KAZN: variants seen among roughly 807,000 people sequenced by gnomAD.
KAZN encodes kazrin.
Under a neutral mutation model 87.4 loss-of-function variants are expected in KAZN, and 40 were observed. That is an observed-to-expected ratio of 0.46 (90% CI 0.36 to 0.60). The LOEUF is 0.60. Among genes scored for constraint, KAZN ranks in the 20% least tolerant of loss-of-function variants. The pLI, the probability that KAZN is intolerant of heterozygous loss-of-function variation, is 0.00. For missense variants in KAZN, 898 were observed against 1,073.9 expected (o/e 0.84, Z 2.29); for synonymous variants, 466 against 458.3 (o/e 1.02, Z -0.22).
chr1:14,729,545 C>G (rs760015658), intron 1 of KAZN, among the ~76,000 whole-genome samples: 5 of 152,278 alleles, frequency 3.3e-5, no homozygotes, highest in Non-Finnish European at 7.4e-5. Flanking sequence ...GCAGGGAATT[C>G]CAGAATGGGA....
chr1:14,646,993 C>T (rs1419635418), intron 1 of KAZN, among the ~76,000 whole-genome samples: 4 of 152,162 alleles, frequency 2.6e-5, no homozygotes, highest in African/African-American at 9.7e-5. Flanking sequence ...TCTCCATATC[C>T]TCTCTCCACA....
intron 1 of KAZN, chr1:14,929,769 A>G: frequency 1.0e-6 from 1 of 985,406 alleles, no homozygotes; most frequent in Non-Finnish European, 1.2e-6. Flanking sequence ...AGTGCGTCTT[A>G]TGTTGCGGGT....
At chr1:13,913,546 C>A (rs1419502505) in intron 1 of KAZN, among the ~76,000 whole-genome samples, 1 of 152,148 alleles carries the variant, frequency 6.6e-6, no homozygotes, top group African/African-American at 2.4e-5. Context: ...CAGCTCCATT[C>A]TTCCCAAGGG....
chr1:14,937,364 C>T (rs535601933), intron 1 of KAZN, among the ~76,000 whole-genome samples: 11 of 152,298 alleles, frequency 7.2e-5, no homozygotes, highest in African/African-American at 1.7e-4. Flanking sequence ...TTCTCTTTTA[C>T]GAGTTGTTTG....
At chr1:14,903,148 T>C (rs1444360845) in intron 1 of KAZN, among the ~76,000 whole-genome samples, 1 of 152,052 alleles carries the variant, frequency 6.6e-6, no homozygotes, top group East Asian at 1.9e-4. Flanking sequence ...GGATTACAGG[T>C]GTGAGCCACC....
chr1:14,393,521 A>G (rs1662631185), intron 2 of KAZN, among the ~76,000 whole-genome samples: 1 of 152,156 alleles, frequency 6.6e-6, no homozygotes, highest in Non-Finnish European at 1.5e-5. Context: ...TATCAAGGAA[A>G]TACACGCTTT....
At position 15,099,510 on chromosome 1, in the gene KAZN, C is replaced by T. The variant is rs546761717; in HGVS notation, c.1548-2033C>T. On this transcript the variant is annotated intron_variant, in intron 10 of 14. Coordinates refer to ENST00000376030, the MANE Select transcript of KAZN (RefSeq NM_201628.3). This position sits in a 1 kb window ranked among gnomAD's most constrained non-coding sequence, Gnocchi z 5.4. ...CCCAAGGGATGAGGAGGGGTGAGCCCTGGGCAGGGTTGCAAGGGGCTGGCC... is the reference window on the plus strand; with the variant it reads ...CCCAAGGGATGAGGAGGGGTGAGCCTTGGGCAGGGTTGCAAGGGGCTGGCC... 2.6e-5 allele frequency among the ~76,000 whole-genome samples: 4 copies of T among 151,922 alleles called. No homozygotes were observed. Among genetic ancestry groups the T allele is most frequent in the Non-Finnish European group, 5.9e-5 (4 of 67,996 alleles).
chr1:15,117,458 T>C lies in KAZN; in HGVS notation c.*2823T>C, dbSNP rs903483575. 2.0e-5 allele frequency: 3 copies of C among 152,356 alleles called. No individual in the cohort carries two copies. Among genetic ancestry groups the C allele is most frequent in the Non-Finnish European group, 4.4e-5 (3 of 68,132 alleles). The allele number at this position is 152,356 out of a possible 1,614,324, so 9.4% of individuals were successfully genotyped here. A position where few individuals can be genotyped will look rare whatever the true frequency, so the allele number is the denominator to read the frequency against. ...TTTCTTTTGGAAATCTGTCTGTCTG[T>C]TGGCATCGCTGTTTTCAGACCCCAG... On this transcript the variant is annotated 3_prime_UTR_variant, in exon 15 of 15. Transcript: ENST00000376030.
At chr1:14,740,543 C>CA (rs1644062076) in intron 1 of KAZN, among the ~76,000 whole-genome samples, 2 of 152,128 alleles carry the variant, frequency 1.3e-5, no homozygotes, top group Middle Eastern at 3.4e-3. Context: ...CCTCTGCCTC[C>CA]GCCCCCCCAA....
chr1:14,229,409 A>G (rs1357027978), intron 2 of KAZN, among the ~76,000 whole-genome samples: 2 of 152,208 alleles, frequency 1.3e-5, no homozygotes, highest in Non-Finnish European at 2.9e-5. Context: ...GTTATTCTCT[A>G]AATTTTAAAA....
chr1:14,140,976 C>T (rs942777184), intron 1 of KAZN, among the ~76,000 whole-genome samples: 5 of 152,232 alleles, frequency 3.3e-5, no homozygotes, highest in African/African-American at 9.6e-5. Context: ...AACAACGCTC[C>T]GCTCAGAAGT....
intron 2 of KAZN, among the ~76,000 whole-genome samples, chr1:14,372,854 A>G (rs2101022044): frequency 6.6e-6 from 1 of 152,328 alleles, no homozygotes. Flanking sequence ...CTTGCCCTCG[A>G]GGAGATTGTA....
rs547158558 is a variant in KAZN at position 15,021,636 on chromosome 1, C to T, written c.419-13113C>T. Among the ~76,000 whole-genome samples, 14 of 152,260 alleles carry T rather than the reference C, an allele frequency of 9.2e-5. No homozygotes were observed. The South Asian group carries it at 1.2e-3, about 14-fold the overall frequency. Reference sequence around the variant, plus strand: ...AGCTCTTCCAGGGGCAGTCCTGAGCCGGGGTGGTGGCAGGGACAGTGTGCC... The same window carrying T: ...AGCTCTTCCAGGGGCAGTCCTGAGCTGGGGTGGTGGCAGGGACAGTGTGCC... On this transcript the variant is annotated intron_variant, in intron 2 of 14. Transcript: ENST00000376030. The surrounding 1 kb of genome is among the most constrained non-coding windows in gnomAD (Gnocchi z 4.2).
intron 1 of KAZN, chr1:14,929,705 T>G: frequency 1.7e-5 from 15 of 878,650 alleles, no homozygotes; most frequent in Non-Finnish European, 1.9e-5. Flanking sequence ...GAGACAGGCA[T>G]GGTTATAAGG....
chr1:14,056,624 G>A (rs1296470857), intron 1 of KAZN, among the ~76,000 whole-genome samples: 2 of 152,138 alleles, frequency 1.3e-5, no homozygotes, highest in African/African-American at 2.4e-5. Context: ...AAAGTAATAC[G>A]CCACCCTTAT....
chr1:14,902,952 C>T (rs1317311404), intron 1 of KAZN, among the ~76,000 whole-genome samples: 1 of 149,448 alleles, frequency 6.7e-6, no homozygotes, highest in East Asian at 2.0e-4. Flanking sequence ...ACTGCAACCT[C>T]CACCTCCCAG....
intron 1 of KAZN, among the ~76,000 whole-genome samples, chr1:14,603,714 G>C (rs921589929): frequency 5.3e-5 from 8 of 152,160 alleles, no homozygotes; most frequent in Admixed American, 5.2e-4. Flanking sequence ...GGTAAGGCAT[G>C]ATAGGCCCTC....
At chr1:14,449,518 G>T (rs1256041570) in intron 2 of KAZN, among the ~76,000 whole-genome samples, 1 of 152,180 alleles carries the variant, frequency 6.6e-6, no homozygotes, top group East Asian at 1.9e-4. Flanking sequence ...GCAGGAATAG[G>T]AATATTGTCC....
intron 1 of KAZN, among the ~76,000 whole-genome samples, chr1:14,092,552 CAT>C: frequency 7.8e-6 from 1 of 128,510 alleles, no homozygotes; most frequent in South Asian, 2.2e-4. Flanking sequence ...CATATATGTA[CAT>C]ATACACACAT....
Sources: allele counts gnomAD v4.1 joint callset (sites outside exome capture counted in the v4.1 genomes callset), GRCh38; gene constraint gnomAD v4.1.1; non-coding constraint Gnocchi (gnomAD v3.1); transcripts MANE v1.5; gene names NCBI Gene and HGNC (gene_info 2026-07-23, HGNC 2026-07-21).